DGKB: variants seen among roughly 807,000 people sequenced by gnomAD.
DGKB encodes diacylglycerol kinase beta.
Under a neutral mutation model 114.3 loss-of-function variants are expected in DGKB, and 67 were observed. The observed-to-expected ratio is 0.59, with a 90% CI of 0.48 to 0.72. The LOEUF is 0.72. Among genes scored for constraint, DGKB ranks in the 30% least tolerant of loss-of-function variants. The pLI, the probability that DGKB is intolerant of heterozygous loss-of-function variation, is 0.00. For synonymous variants in DGKB, 398 were observed against 323.1 expected (o/e 1.23, Z -2.49); for missense variants, 907 against 975.2 (o/e 0.93, Z 0.93).
chr7:14,247,887 G>A (rs73069631), intron 23 of DGKB, among the ~76,000 whole-genome samples: 18,065 of 151,808 alleles, frequency 0.12, 1,371 homozygotes, highest in East Asian at 0.21. Flanking sequence ...TTTGTCGCCC[G>A]TACTTTTGGG....
intron 23 of DGKB, among the ~76,000 whole-genome samples, chr7:14,311,902 C>T (rs949834701): frequency 5.3e-5 from 8 of 152,084 alleles, no homozygotes; most frequent in African/African-American, 1.9e-4. Context: ...CTATTTATGA[C>T]ACTAGTCTAG....
intron 23 of DGKB, among the ~76,000 whole-genome samples, chr7:14,218,820 T>G (rs1789444347): frequency 6.6e-6 from 1 of 151,950 alleles, no homozygotes; most frequent in Admixed American, 6.6e-5. Flanking sequence ...TATTCAAAGT[T>G]ATGTGCAACC....
At chr7:14,831,466 AAAG>A (rs1356070813) in intron 2 of DGKB, among the ~76,000 whole-genome samples, 1 of 152,066 alleles carries the variant, frequency 6.6e-6, no homozygotes, top group East Asian at 1.9e-4. Flanking sequence ...CTTTGAGCAA[AAAG>A]AAGATGTGTT....
At chr7:14,760,476 A>T (rs1835525136) in intron 2 of DGKB, among the ~76,000 whole-genome samples, 1 of 152,168 alleles carries the variant, frequency 6.6e-6, no homozygotes, top group South Asian at 2.1e-4. Flanking sequence ...TATCAAAAAG[A>T]GACATGAAGC....
intron 2 of DGKB, among the ~76,000 whole-genome samples, chr7:14,798,370 C>T (rs917546167): frequency 2.0e-5 from 3 of 152,114 alleles, no homozygotes; most frequent in Admixed American, 6.6e-5. Context: ...CTATTTTGCC[C>T]GTATAACCTG....
intron 21 of DGKB, among the ~76,000 whole-genome samples, chr7:14,418,365 G>C (rs1180286699): frequency 1.2e-5 from 1 of 86,394 alleles, no homozygotes; most frequent in South Asian, 3.7e-4. Flanking sequence ...ATATATATGT[G>C]TGTGTGTATA....
intron 21 of DGKB, among the ~76,000 whole-genome samples, chr7:14,425,825 C>T (rs372425605): frequency 6.6e-6 from 1 of 152,076 alleles, no homozygotes; most frequent in South Asian, 2.1e-4. Flanking sequence ...TCAGTGCAGT[C>T]TCATAGCATA....
At chr7:14,683,827 G>C (rs1821231472) in intron 10 of DGKB, among the ~76,000 whole-genome samples, 1 of 151,850 alleles carries the variant, frequency 6.6e-6, no homozygotes, top group African/African-American at 2.4e-5. Flanking sequence ...GAGAAAACAT[G>C]TTTTCTCTTC....
intron 21 of DGKB, among the ~76,000 whole-genome samples, chr7:14,445,801 A>G (rs1433059803): frequency 6.6e-6 from 1 of 151,986 alleles, no homozygotes; most frequent in African/African-American, 2.4e-5. Flanking sequence ...CATGTTTTTT[A>G]TAAGCCATCA....
At chr7:14,188,048 A>C (rs1017089606) in intron 23 of DGKB, among the ~76,000 whole-genome samples, 1 of 152,198 alleles carries the variant, frequency 6.6e-6, no homozygotes, top group Non-Finnish European at 1.5e-5. Context: ...TATTCAATGA[A>C]TGAAATGAAA....
At chr7:14,876,766 C>A (rs896455905) in intron 1 of DGKB, among the ~76,000 whole-genome samples, 10 of 152,288 alleles carry the variant, frequency 6.6e-5, no homozygotes, top group African/African-American at 2.2e-4. Context: ...ATTCTATATA[C>A]CTCCTCAACT....
intron 17 of DGKB, among the ~76,000 whole-genome samples, chr7:14,600,716 A>C (rs1487243101): frequency 6.6e-6 from 1 of 152,186 alleles, no homozygotes; most frequent in Non-Finnish European, 1.5e-5. Context: ...AAGGCAAACA[A>C]CATTAACTCT....
At chr7:14,901,187 A>T (rs1337799388) in intron 1 of DGKB, among the ~76,000 whole-genome samples, 1 of 152,198 alleles carries the variant, frequency 6.6e-6, no homozygotes, top group Non-Finnish European at 1.5e-5. Flanking sequence ...TTATACCTGG[A>T]GATCCCCGTG....
chr7:14,776,127 C>T (rs772599244), intron 2 of DGKB, among the ~76,000 whole-genome samples: 44 of 152,150 alleles, frequency 2.9e-4, no homozygotes, highest in African/African-American at 6.5e-4. Context: ...CAGCATTTTG[C>T]CCCTGCTGTA....
chr7:14,357,607 A>G (rs867199457), intron 21 of DGKB, among the ~76,000 whole-genome samples: 60 of 152,122 alleles, frequency 3.9e-4, no homozygotes, highest in South Asian at 4.1e-4. Context: ...TTTAAGGTTA[A>G]TATTGTTATG....
chr7:14,434,166 T>C (rs1171683386), intron 21 of DGKB, among the ~76,000 whole-genome samples: 1 of 152,180 alleles, frequency 6.6e-6, no homozygotes, highest in Non-Finnish European at 1.5e-5. Flanking sequence ...CAAATTAAGA[T>C]GGACAAGCAA....
At position 14,782,256 on chromosome 7, in the gene DGKB, C is replaced by T. The variant is rs894912033; in HGVS notation, c.71-24525G>A. ...GTCCAGGCTGGTCTTGAACTCCTGG[C>T]CTCAAGTGATCTGCTCTCCTCAGCC... On this transcript the variant is annotated intron_variant, in intron 2 of 25. Coordinates refer to ENST00000402815, the MANE Select transcript of DGKB (RefSeq NM_001350709.2). 2.0e-5 allele frequency among the ~76,000 whole-genome samples: 3 copies of T among 152,102 alleles called. No individual in the cohort carries two copies. In the East Asian group the frequency reaches 5.8e-4, roughly 29 times the overall value.
At chr7:14,341,189 G>A (rs1811549651) in intron 22 of DGKB, among the ~76,000 whole-genome samples, 1 of 151,790 alleles carries the variant, frequency 6.6e-6, no homozygotes, top group African/African-American at 2.4e-5. Flanking sequence ...GAACATTGAT[G>A]TTCCTTTGAG....
At chr7:14,553,865 CTTTTTTTTTTT>C (rs58879064) in intron 20 of DGKB, among the ~76,000 whole-genome samples, 4 of 71,208 alleles carry the variant, frequency 5.6e-5, no homozygotes, top group Admixed American at 2.3e-4. Context: ...CCTTTACATG[CTTTTTTTTTTT>C]TTTTTTTTTT....
Sources: gnomAD v4.1 joint callset for allele counts (sites outside exome capture counted in the v4.1 genomes callset) on GRCh38, gnomAD v4.1.1 for gene constraint, MANE v1.5 for transcripts, NCBI Gene and HGNC (gene_info 2026-07-23, HGNC 2026-07-21) for gene names.